COL4A1: variants seen among roughly 807,000 people sequenced by gnomAD.
COL4A1 encodes the protein collagen type IV alpha 1 chain.
COL4A1 carries 40 observed loss-of-function variants against 216.6 expected under a neutral mutation model. The observed-to-expected ratio is 0.18, with a 90% CI of 0.14 to 0.24. The LOEUF (loss-of-function observed/expected upper bound fraction) is 0.24, where lower values mean the gene tolerates loss of function less well. Ranked by LOEUF, COL4A1 falls within the 10% of genes least tolerant of loss-of-function variation. COL4A1 has a pLI of 1.00. For missense variants in COL4A1, 1,628 were observed against 2,196.8 expected (o/e 0.74, Z 5.18); for synonymous variants, 839 against 810.7 (o/e 1.03, Z -0.59).
chr13:110,274,373 T>G (rs1883358219), intron 1 of COL4A1, among the ~76,000 whole-genome samples: 1 of 152,202 alleles, frequency 6.6e-6, no homozygotes, highest in Non-Finnish European at 1.5e-5. Flanking sequence ...TTATTAGATG[T>G]TCTGATCTGA....
chr13:110,246,163 AG>A (rs1263437616), intron 1 of COL4A1, among the ~76,000 whole-genome samples: 29 of 152,064 alleles, frequency 1.9e-4, no homozygotes, highest in African/African-American at 6.3e-4. Context: ...AAAACAAAAA[AG>A]CTAGCCTTTA....
chr13:110,214,676 C>T (rs1017157836), intron 2 of COL4A1, among the ~76,000 whole-genome samples: 1 of 152,194 alleles, frequency 6.6e-6, no homozygotes, highest in Admixed American at 6.5e-5. Flanking sequence ...GTTCTCTGGC[C>T]TTCAGATTCA....
At chr13:110,274,445 G>A (rs2139293129) in intron 1 of COL4A1, among the ~76,000 whole-genome samples, 1 of 152,310 alleles carries the variant, frequency 6.6e-6, no homozygotes, top group Middle Eastern at 3.4e-3. Flanking sequence ...TCGGGAGGCT[G>A]GTCTGAACTT....
chr13:110,209,302 G>C (rs55833821), intron 11 of COL4A1, 90 bp downstream of exon 11: 2 of 1,203,480 alleles, frequency 1.7e-6, no homozygotes, highest in Non-Finnish European at 1.2e-6. Flanking sequence ...CTTTTTTTTA[G>C]AGACTGAAAG....
chr13:110,292,791 G>A (rs1884139589), intron 1 of COL4A1, among the ~76,000 whole-genome samples: 2 of 152,138 alleles, frequency 1.3e-5, no homozygotes, highest in African/African-American at 2.4e-5. Context: ...GAACTCAAAG[G>A]ATGATGACTG....
Position 110,206,794 on chromosome 13 carries a change from TG to T in COL4A1, c.807+70del, listed in dbSNP as rs534848534. ...AATTAGATAGATATTAAACTTAAGG[TG>T]AAAAAAACTTGAAACTTAAATCTTT... On this transcript the variant is annotated intron_variant, in intron 14 of 51. Transcript: ENST00000375820. The T allele has an allele frequency of 7.7e-4, 1,243 of 1,608,524 alleles. 7 individuals carry two copies. In the African/African-American group the frequency reaches 0.013, roughly 16 times the overall value.
intron 1 of COL4A1, among the ~76,000 whole-genome samples, chr13:110,261,254 C>T (rs1882813869): frequency 6.6e-6 from 1 of 152,108 alleles, no homozygotes; most frequent in African/African-American, 2.4e-5. Flanking sequence ...GCGCAGGAAG[C>T]CCCCCGACCC....
At chr13:110,152,824 C>G (rs1353163849) in intron 50 of COL4A1, among the ~76,000 whole-genome samples, 1 of 152,214 alleles carries the variant, frequency 6.6e-6, no homozygotes, top group Admixed American at 6.5e-5. Context: ...ACACTCCAAC[C>G]CATTCTAACA....
chr13:110,178,269 T>C (rs369403643), intron 31 of COL4A1, 38 bp from the exon 32 acceptor site: 1 of 1,611,994 alleles, frequency 6.2e-7, no homozygotes, highest in Non-Finnish European at 8.5e-7. Flanking sequence ...TTTAGCAGAA[T>C]TTACAGAATG....
chr13:110,281,315 G>T (rs1883625941), intron 1 of COL4A1, among the ~76,000 whole-genome samples: 1 of 152,154 alleles, frequency 6.6e-6, no homozygotes, highest in South Asian at 2.1e-4. Context: ...GAAATACTGA[G>T]AATTTTTTAA....
intron 1 of COL4A1, among the ~76,000 whole-genome samples, chr13:110,305,264 A>C (rs1304866351): frequency 6.6e-6 from 1 of 152,212 alleles, no homozygotes; most frequent in Non-Finnish European, 1.5e-5. Context: ...AGTGGCCGGG[A>C]ATGTAATTGA....
chr13:110,191,788 C>T (rs796872262), intron 24 of COL4A1: 5 of 593,474 alleles, frequency 8.4e-6, no homozygotes, highest in African/African-American at 5.6e-5. Flanking sequence ...ACTGACTAAC[C>T]AGCTTTTAGA....
chr13:110,167,048 G>A (rs899697077), intron 44 of COL4A1, 110 bp downstream of exon 44: 10 of 870,516 alleles, frequency 1.1e-5, no homozygotes, highest in East Asian at 2.4e-5. Context: ...ACAGTATCTC[G>A]TGCTATAATG....
At chr13:110,227,417 CACACACACAA>C (rs1385894049) in intron 2 of COL4A1, among the ~76,000 whole-genome samples, 1,693 of 149,210 alleles carry the variant, frequency 0.011, 33 homozygotes, top group African/African-American at 0.036. Context: ...CACACACACA[CACACACACAA>C]ACACACACAA....
intron 17 of COL4A1, among the ~76,000 whole-genome samples, chr13:110,204,868 A>G (rs964717301): frequency 6.6e-6 from 1 of 152,218 alleles, no homozygotes; most frequent in African/African-American, 2.4e-5. Flanking sequence ...ATACCACGCA[A>G]CAAAAGGCAT....
chr13:110,164,475 C>T (rs1358242918), intron 46 of COL4A1, among the ~76,000 whole-genome samples: 1 of 152,124 alleles, frequency 6.6e-6, no homozygotes, highest in Non-Finnish European at 1.5e-5. Context: ...CAGACAGTGC[C>T]AATCAGGCAG....
At chr13:110,282,188 T>C (rs1883658712) in intron 1 of COL4A1, among the ~76,000 whole-genome samples, 1 of 152,212 alleles carries the variant, frequency 6.6e-6, no homozygotes, top group South Asian at 2.1e-4. Flanking sequence ...AATGTCAATA[T>C]TGTAAACTTG....
chr13:110,151,784 G>C (rs1380828305), intron 51 of COL4A1, among the ~76,000 whole-genome samples: 1 of 152,174 alleles, frequency 6.6e-6, no homozygotes, highest in African/African-American at 2.4e-5. Context: ...ACTCCAGCAA[G>C]GTTAGTAGCC....
At chr13:110,232,596 C>T (rs1354944729) in intron 2 of COL4A1, among the ~76,000 whole-genome samples, 1 of 152,128 alleles carries the variant, frequency 6.6e-6, no homozygotes, top group African/African-American at 2.4e-5. Flanking sequence ...ATTTTCCTGC[C>T]AGCCAATGTT....
Sources: allele counts gnomAD v4.1 joint callset (sites outside exome capture counted in the v4.1 genomes callset), GRCh38; gene constraint gnomAD v4.1.1; transcripts MANE v1.5; gene names NCBI Gene and HGNC (gene_info 2026-07-23, HGNC 2026-07-21).